Variants in NOL8 observed in about 807,000 individuals in gnomAD.
NOL8 encodes nucleolar protein Nop132.
Under a neutral mutation model 116.1 loss-of-function variants are expected in NOL8, and 93 were observed. That is an observed-to-expected ratio of 0.80 (90% CI 0.68 to 0.95). NOL8 has a LOEUF of 0.95. NOL8 is among the 40% of genes least tolerant of loss of function. NOL8 has a pLI of 0.00. For missense variants in NOL8, 1,291 were observed against 1,382.8 expected (o/e 0.93, Z 1.05); for synonymous variants, 419 against 469.0 (o/e 0.89, Z 1.38).
At chr9:92,304,680 T>G (rs569739101) in intron 12 of NOL8, among the ~76,000 whole-genome samples, 3 of 152,322 alleles carry the variant, frequency 2.0e-5, no homozygotes, top group Non-Finnish European at 2.9e-5. Context: ...AATTTTAGGT[T>G]TACAGAAAGT....
chr9:92,303,460 ATT>A (rs1837931744), intron 12 of NOL8, among the ~76,000 whole-genome samples: 2 of 152,190 alleles, frequency 1.3e-5, no homozygotes, highest in African/African-American at 4.8e-5. Flanking sequence ...AGCCTTGCTC[ATT>A]TGTTTACATA....
Position 92,305,822 on chromosome 9 carries a change from A to C in NOL8, c.2834T>G (p.Ile945Arg), listed in dbSNP as rs1206932575. 1.2e-6 allele frequency: 2 copies of C among 1,611,164 alleles called. No homozygotes were observed. The highest frequency in any genetic ancestry group is 1.7e-6 in the Non-Finnish European group (2 of 1,177,656). The change falls in exon 12 of 17, where the codon ATA (isoleucine) becomes AGA (arginine). Residue 945 changes from isoleucine to arginine, a missense_variant. Transcript: ENST00000442668. The part of the protein sequence containing the change: ...SVAAKKFKDI[I>R]HYDPTKQDHA... ...GTCTTGCTTCGTTGGATCATAATGT[A>C]TGATGTCCCTATGTAAAAAAAGGAA...
intron 13 of NOL8, 115 bp downstream of exon 13, chr9:92,301,436 G>T: frequency 1.3e-6 from 1 of 767,836 alleles, no homozygotes; most frequent in South Asian, 2.0e-5. Context: ...AATCTTCTAG[G>T]TAGAAGAAAG....
At position 92,297,757 on chromosome 9, in the gene NOL8, G is replaced by A. The variant is rs1193176650; in HGVS notation, c.*79C>T. On this transcript the variant is annotated 3_prime_UTR_variant, in exon 17 of 17. Coordinates refer to ENST00000442668, the MANE Select transcript of NOL8 (RefSeq NM_017948.6). ...TCCTTCACTCTGAAATTTCTTCTTTGTCAGCTAAAACTGTTTTCTGGGTCA... is the reference window on the plus strand; with the variant it reads ...TCCTTCACTCTGAAATTTCTTCTTTATCAGCTAAAACTGTTTTCTGGGTCA... The A allele has an allele frequency of 1.9e-6, 2 of 1,050,970 alleles. No homozygotes were observed. Among genetic ancestry groups the A allele is most frequent in the Non-Finnish European group, 1.4e-6 (1 of 738,830 alleles). The allele number at this position is 1,050,970 out of a possible 1,614,324, so 65.1% of individuals were successfully genotyped here. A position where few individuals can be genotyped will look rare whatever the true frequency, so the allele number is the denominator to read the frequency against.
At position 92,324,039 on chromosome 9, in the gene NOL8, T is replaced by C. The variant is rs1840199821; in HGVS notation, c.123A>G (p.Thr41=). The stretch of plus-strand genomic sequence containing the variant: ...ATAAATTACCTTGGTCATCTTTCCG[T>C]GTGATGATCTCCACATCCGAAACTT... ...FGEVSDVEII[T]RKDDQGNPQK... is the part of the protein sequence containing the mutation. The change falls in exon 2 of 17, where the codon ACA becomes ACG. Residue 41 remains threonine (T), a synonymous_variant. Coordinates refer to ENST00000442668, the MANE Select transcript of NOL8 (RefSeq NM_017948.6). 3.5e-5 allele frequency: 56 copies of C among 1,614,030 alleles called. No homozygotes were observed. Among genetic ancestry groups the C allele is most frequent in the Non-Finnish European group, 4.7e-5 (56 of 1,179,882 alleles).
intron 12 of NOL8, among the ~76,000 whole-genome samples, chr9:92,304,642 ATT>A (rs1310994360): frequency 1.3e-5 from 2 of 152,198 alleles, no homozygotes; most frequent in Non-Finnish European, 2.9e-5. Context: ...CTAAAATGTG[ATT>A]CTTTTTAAAA....
intron 15 of NOL8, 193 bp from the exon 16 acceptor site, chr9:92,298,529 T>G: frequency 1.9e-6 from 1 of 516,376 alleles, no homozygotes; most frequent in South Asian, 3.0e-5. Flanking sequence ...TGTTTATATA[T>G]ATCATTTACT....
rs751616968 is a variant in NOL8 at position 92,316,157 on chromosome 9, C to CA, written c.487-20dup. On this transcript the variant is annotated intron_variant, in intron 6 of 16. Coordinates refer to ENST00000442668, the MANE Select transcript of NOL8 (RefSeq NM_017948.6). ...TGATGATGTTACGCAAGTCAAGAAA[C>CA]AAAACTAAAGCACTTGGTTTTAGGA... is the stretch of plus-strand genomic sequence containing the variant. 7 of 1,593,848 alleles carry CA rather than the reference C, an allele frequency of 4.4e-6. No individual in the cohort carries two copies. In the South Asian group the frequency reaches 7.9e-5, roughly 18 times the overall value.
At chr9:92,298,142 T>G in intron 16 of NOL8, 115 bp downstream of exon 16, 1 of 772,814 alleles carries the variant, frequency 1.3e-6, no homozygotes, top group Non-Finnish European at 2.1e-6. Context: ...GTCACTCAAT[T>G]GAGCCAGTCT....
In NOL8 at chr9:92,297,811, C is replaced by A; in HGVS notation, c.*25G>T. On this transcript the variant is annotated 3_prime_UTR_variant, in exon 17 of 17. Transcript: ENST00000442668. ...TCCTTAGGTGAGCCTTGTTCACATTCAGTATCAAAACCAGCTGACATTTAT... is the reference window on the plus strand; with the variant it reads ...TCCTTAGGTGAGCCTTGTTCACATTAAGTATCAAAACCAGCTGACATTTAT... 3 of 1,531,626 alleles carry A rather than the reference C, an allele frequency of 2.0e-6. No individual in the cohort carries two copies. The highest frequency in any genetic ancestry group is 4.9e-5 in the East Asian group (2 of 40,778). 94.9% of individuals were successfully genotyped at this position (1,531,626 alleles called of 1,614,324 possible).
At chr9:92,298,998 T>G in intron 14 of NOL8, 44 bp from the exon 15 acceptor site, 1 of 1,038,586 alleles carries the variant, frequency 9.6e-7, no homozygotes, top group African/African-American at 1.6e-5. Context: ...AGGTATTGGT[T>G]GGTTTAATTT....
At chr9:92,322,023 ATTTG>A (rs1248169063) in intron 3 of NOL8, among the ~76,000 whole-genome samples, 2 of 152,268 alleles carry the variant, frequency 1.3e-5, no homozygotes, top group African/African-American at 2.4e-5. Flanking sequence ...TTTATTTGCA[ATTTG>A]TTTGTAAACA....
chr9:92,310,355 A>C (rs1001156711), intron 9 of NOL8, 94 bp from the exon 10 acceptor site: 16 of 1,218,864 alleles, frequency 1.3e-5, no homozygotes, highest in Admixed American at 8.0e-5. Flanking sequence ...CACACACTGA[A>C]ATTCACTACA....
At chr9:92,307,184 C>T (rs1838345504) in intron 10 of NOL8, among the ~76,000 whole-genome samples, 160 bp from the exon 11 acceptor site, 1 of 152,208 alleles carries the variant, frequency 6.6e-6, no homozygotes, top group Non-Finnish European at 1.5e-5. Context: ...CAAAGACCCT[C>T]AGTCATAGCA....
chr9:92,314,353 T>G lies in NOL8; in HGVS notation c.2272A>C (p.Asn758His), dbSNP rs1278992519. ...VSAKDKHAED[N>H]EKRLAALEAR... is the part of the protein sequence containing the mutation. ...TCCAAGGCTGCCAAACGCTTCTCATTGTCTTCAGCATGCTTATCTTTAGCA... is the reference window on the plus strand; with the variant it reads ...TCCAAGGCTGCCAAACGCTTCTCATGGTCTTCAGCATGCTTATCTTTAGCA... The change falls in exon 7 of 17, where the codon AAT becomes CAT. Residue 758 changes from asparagine to histidine, a missense_variant. By Grantham distance (68) the Asn-to-His change is moderately conservative. Coordinates refer to ENST00000442668, the MANE Select transcript of NOL8 (RefSeq NM_017948.6). 1.9e-6 allele frequency: 3 copies of G among 1,612,578 alleles called. No individual in the cohort carries two copies. The highest frequency in any genetic ancestry group is 1.7e-5 in the Admixed American group (1 of 59,966).
At chr9:92,318,252 T>G (rs1049375088) in intron 6 of NOL8, among the ~76,000 whole-genome samples, 1 of 152,088 alleles carries the variant, frequency 6.6e-6, no homozygotes, top group Non-Finnish European at 1.5e-5. Flanking sequence ...CCAAGACTAC[T>G]TCCCATCACT....
intron 7 of NOL8, among the ~76,000 whole-genome samples, chr9:92,312,845 AAAAG>A (rs1353589075): frequency 1.3e-5 from 2 of 148,798 alleles, no homozygotes; most frequent in Non-Finnish European, 3.0e-5. Flanking sequence ...AAAAAAAAAA[AAAAG>A]AAAAGAAAAA....
In NOL8 at chr9:92,297,612, TCTTC is replaced by T; in HGVS notation, c.*220_*223del. On this transcript the variant is annotated 3_prime_UTR_variant, in exon 17 of 17. Transcript: ENST00000442668. ...AAAGTATTTTCAAGGACTATCTTGT[TCTTC>T]CTTTATAAGAAGTTGAATTTAATTT... 1.9e-6 allele frequency: 1 copy of T among 526,344 alleles called. No homozygotes were observed. The highest frequency in any genetic ancestry group is 2.0e-5 in the African/African-American group (1 of 51,260). The allele number at this position is 526,344 out of a possible 1,614,324, so 32.6% of individuals were successfully genotyped here.
chr9:92,307,133 G>T, intron 10 of NOL8, 109 bp from the exon 11 acceptor site: 2 of 1,160,662 alleles, frequency 1.7e-6, no homozygotes, highest in Non-Finnish European at 2.4e-6. Context: ...CATTAAGACA[G>T]GAAGAAGAAA....
Sources: gnomAD v4.1 joint callset for allele counts (sites outside exome capture counted in the v4.1 genomes callset) on GRCh38, gnomAD v4.1.1 for gene constraint, MANE v1.5 for transcripts, NCBI Gene and HGNC (gene_info 2026-07-23, HGNC 2026-07-21) for gene names.